The following TLL2 variants were observed in gnomAD, a reference collection of about 807,000 sequenced individuals.
TLL2 encodes tolloid-like protein 2.
TLL2 carries 106 observed loss-of-function variants against 123.0 expected under a neutral mutation model. The observed-to-expected ratio is 0.86, with a 90% CI of 0.74 to 1.01. The LOEUF (loss-of-function observed/expected upper bound fraction) is 1.01, where lower values mean the gene tolerates loss of function less well. Among genes scored for constraint, TLL2 ranks in the 50% least tolerant of loss-of-function variants. The pLI is 0.00. For synonymous variants in TLL2, 494 were observed against 516.8 expected, an observed-to-expected ratio of 0.96 and a Z score of 0.60; for missense variants, 1,332 against 1,336.7, an observed-to-expected ratio of 1.00 and a Z score of 0.06.
intron 12 of TLL2, 93 bp from the exon 13 acceptor site, chr10:96,395,475 C>G: frequency 7.4e-7 from 1 of 1,356,224 alleles, no homozygotes; most frequent in Admixed American, 2.7e-5. Flanking sequence ...CTCTCAAAAT[C>G]TAACCAAGAG....
At chr10:96,472,455 AG>A (rs1485303017) in intron 2 of TLL2, among the ~76,000 whole-genome samples, 1 of 152,150 alleles carries the variant, frequency 6.6e-6, no homozygotes, top group Non-Finnish European at 1.5e-5. Flanking sequence ...CCCATCTATA[AG>A]CTCTCTCAAG....
At position 96,406,205 on chromosome 10, in the gene TLL2, C is replaced by T. The variant is rs114465568; in HGVS notation, c.1165-871G>A. Among the ~76,000 whole-genome samples the T allele has an allele frequency of 2.4e-3, 363 of 152,190 alleles. 3 individuals are homozygous for T. Among genetic ancestry groups the T allele is most frequent in the African/African-American group, 8.3e-3 (343 of 41,502 alleles). On this transcript the variant is annotated intron_variant, in intron 9 of 20. Coordinates refer to ENST00000357947, the MANE Select transcript of TLL2 (RefSeq NM_012465.4). Reference sequence around the variant, plus strand: ...AACTGGCTCTGGTCCCCCTGCAGCCCACCAGCTCGGGGCTCCCCTGGCAGA... The same window carrying T: ...AACTGGCTCTGGTCCCCCTGCAGCCTACCAGCTCGGGGCTCCCCTGGCAGA...
chr10:96,426,548 G>A (rs2134078035), intron 5 of TLL2, among the ~76,000 whole-genome samples: 1 of 152,298 alleles, frequency 6.6e-6, no homozygotes, highest in Non-Finnish European at 1.5e-5. Flanking sequence ...TGCTTTGTGG[G>A]AGATGGCTTT....
intron 1 of TLL2, among the ~76,000 whole-genome samples, chr10:96,487,386 C>G (rs874372): frequency 0.87 from 132,005 of 151,868 alleles, 57,382 homozygotes; most frequent in Middle Eastern, 0.97. Flanking sequence ...TCCATCACCA[C>G]TATTTGCCCT....
At chr10:96,484,583 A>G (rs1354434311) in intron 1 of TLL2, among the ~76,000 whole-genome samples, 1 of 108,292 alleles carries the variant, frequency 9.2e-6, no homozygotes, top group Non-Finnish European at 1.9e-5. Context: ...GATCATGTAC[A>G]CATAAGTACA....
intron 2 of TLL2, among the ~76,000 whole-genome samples, chr10:96,450,526 G>T (rs752648972): frequency 2.0e-5 from 3 of 152,302 alleles, no homozygotes; most frequent in Non-Finnish European, 4.4e-5. Context: ...GTAAGAGGAA[G>T]CCTCACCTTG....
At position 96,387,045 on chromosome 10, in the gene TLL2, C is replaced by T. The variant is rs776981096; in HGVS notation, c.1760G>A (p.Gly587Glu). Reference sequence around the variant, plus strand: ...CGTGTTCACACAGCGATGCTCGCACCCGCCGTGATCTGGCCAGGAACACTC... The same window carrying T: ...CGTGTTCACACAGCGATGCTCGCACTCGCCGTGATCTGGCCAGGAACACTC... ...VDECSWPDHG[G>E]CEHRCVNTLG... Residue 587 changes from glycine to glutamate, a missense_variant, in exon 14 of 21, where the codon GGG (glycine) becomes GAG (glutamate). By Grantham distance (98) the Gly-to-Glu change is moderately conservative. Transcript: ENST00000357947. 5 of 1,614,036 alleles carry T rather than the reference C, an allele frequency of 3.1e-6. No homozygotes were observed. In the African/African-American group the frequency reaches 6.7e-5, roughly 22 times the overall value.
intron 16 of TLL2, among the ~76,000 whole-genome samples, chr10:96,381,771 C>A (rs752809919): frequency 2.6e-5 from 4 of 152,120 alleles, no homozygotes; most frequent in African/African-American, 4.8e-5. Context: ...TCCCTGGCAG[C>A]AGCTCTGAGC....
intron 1 of TLL2, among the ~76,000 whole-genome samples, chr10:96,489,784 T>C (rs1243849447): frequency 6.6e-6 from 1 of 152,136 alleles, no homozygotes; most frequent in Non-Finnish European, 1.5e-5. Context: ...AATAAAATAA[T>C]GTAAAAATTC....
chr10:96,388,080 C>T (rs1411709682), intron 13 of TLL2, among the ~76,000 whole-genome samples: 1 of 152,064 alleles, frequency 6.6e-6, no homozygotes, highest in Non-Finnish European at 1.5e-5. Context: ...TTCAGGTCCA[C>T]AGCACCACGG....
chr10:96,460,113 T>A (rs999617040), intron 2 of TLL2, among the ~76,000 whole-genome samples: 1 of 152,198 alleles, frequency 6.6e-6, no homozygotes, highest in Non-Finnish European at 1.5e-5. Flanking sequence ...ATGTGTTGAG[T>A]AATTCCCCAA....
intron 1 of TLL2, among the ~76,000 whole-genome samples, chr10:96,507,649 T>A (rs1225225343): frequency 3.3e-5 from 5 of 152,160 alleles, no homozygotes; most frequent in South Asian, 2.1e-4. Flanking sequence ...CTTATAGCAA[T>A]CCTGAAAAGT....
chr10:96,477,459 C>T (rs1345618234), intron 2 of TLL2, among the ~76,000 whole-genome samples: 2 of 151,958 alleles, frequency 1.3e-5, no homozygotes, highest in East Asian at 3.9e-4. Flanking sequence ...AGCGATCCTC[C>T]CACCTCAGCC....
Position 96,383,093 on chromosome 10 carries a change from G to A in TLL2, c.2194+1494C>T, listed in dbSNP as rs1249130746. Among the ~76,000 whole-genome samples, 11 of 152,074 alleles carry A rather than the reference G, an allele frequency of 7.2e-5. No individual in the cohort carries two copies. In the East Asian group the frequency reaches 1.2e-3, roughly 16 times the overall value. On this transcript the variant is annotated intron_variant, in intron 16 of 20. Coordinates refer to ENST00000357947, the MANE Select transcript of TLL2 (RefSeq NM_012465.4). ...TGGGGGAACAGTGGGGGGATTATTC[G>A]TGATCAGAGCACAGGGCACCTGCAG...
intron 3 of TLL2, among the ~76,000 whole-genome samples, chr10:96,441,495 G>T (rs1846850315): frequency 6.6e-6 from 1 of 152,232 alleles, no homozygotes; most frequent in Non-Finnish European, 1.5e-5. Context: ...CAAGGCACCT[G>T]CAGTTTCTAA....
intron 20 of TLL2, 102 bp from the exon 21 acceptor site, chr10:96,368,324 T>C: frequency 2.2e-6 from 3 of 1,386,704 alleles, no homozygotes; most frequent in Non-Finnish European, 3.0e-6. Flanking sequence ...AGGATGTGTC[T>C]CTGGTACCAG....
intron 7 of TLL2, among the ~76,000 whole-genome samples, chr10:96,418,889 T>G (rs1243432428): frequency 6.6e-6 from 1 of 151,206 alleles, no homozygotes; most frequent in Non-Finnish European, 1.5e-5. Flanking sequence ...TAAAAAGCAA[T>G]ATGAAGAGTT....
intron 6 of TLL2, 114 bp downstream of exon 6, chr10:96,422,434 AT>A: frequency 8.2e-7 from 1 of 1,223,798 alleles, no homozygotes; most frequent in Non-Finnish European, 1.2e-6. Flanking sequence ...ATTGCTCCAT[AT>A]TCAGCAGTTA....
chr10:96,372,535 G>A (rs918703458), intron 19 of TLL2, among the ~76,000 whole-genome samples: 5 of 152,174 alleles, frequency 3.3e-5, no homozygotes, highest in African/African-American at 9.7e-5. Flanking sequence ...TCTACTTAAC[G>A]AAGTAGATAA....
Sources: allele counts gnomAD v4.1 joint callset (sites outside exome capture counted in the v4.1 genomes callset), GRCh38; gene constraint gnomAD v4.1.1; transcripts MANE v1.5; gene names NCBI Gene and HGNC (gene_info 2026-07-23, HGNC 2026-07-21).